The following FBXL18 variants were observed in gnomAD, a reference collection of about 807,000 sequenced individuals.
FBXL18 encodes the protein F-box and leucine rich repeat protein 18, also known as F-box/LRR-repeat protein 18.
A neutral mutation model predicts 46.0 loss-of-function variants in FBXL18; 36 were observed. That is an observed-to-expected ratio of 0.78 (90% confidence interval 0.60 to 1.03). The LOEUF (loss-of-function observed/expected upper bound fraction) is 1.03. Ranked by LOEUF, FBXL18 falls within the 50% of genes least tolerant of loss-of-function variation. The pLI is 0.00. For missense variants in FBXL18, 977 were observed against 1,004.1 expected (o/e 0.97, Z 0.36); for synonymous variants, 557 against 465.3 (o/e 1.20, Z -2.54).
At chr7:5,499,662 C>T (rs745641082) in intron 3 of FBXL18, among the ~76,000 whole-genome samples, 66 of 148,898 alleles carry the variant, frequency 4.4e-4, no homozygotes, top group Non-Finnish European at 7.5e-4. Context: ...ACCCAGGAGG[C>T]AGGGGTTGCA....
intron 4 of FBXL18, among the ~76,000 whole-genome samples, chr7:5,483,935 G>A (rs1783710417): frequency 6.6e-6 from 1 of 152,138 alleles, no homozygotes; most frequent in South Asian, 2.1e-4. Flanking sequence ...CTGAGGTGGT[G>A]CTGGACTCAC....
intron 1 of FBXL18, among the ~76,000 whole-genome samples, chr7:5,508,315 C>T (rs1025389443): frequency 6.6e-6 from 1 of 150,810 alleles, no homozygotes; most frequent in Non-Finnish European, 1.5e-5. Flanking sequence ...GGCCTGGTGG[C>T]GGGCACCTGT....
rs11396812 is a variant in FBXL18, at chr7:5,508,440, TAAAAAAA to T, written c.19-2817_19-2811del. 9.8e-5 allele frequency among the ~76,000 whole-genome samples: 13 copies of T among 132,690 alleles called. 1 individual carries two copies. The highest frequency in any genetic ancestry group is 3.4e-4 in the African/African-American group (12 of 35,018). 87.0% of individuals were successfully genotyped at this position (132,690 alleles called of 152,430 possible). ...CTGGGCAACAGAGCGAGACTTTGTCTAAAAAAAAAAAAAAAAAAATTAGTGGGACACA... is the reference window on the plus strand; with the variant it reads ...CTGGGCAACAGAGCGAGACTTTGTCTAAAAAAAAAAAATTAGTGGGACACA... On this transcript the variant is annotated intron_variant, in intron 1 of 4. Transcript: ENST00000382368.
chr7:5,468,009 A>G (rs563279093), intron 4 of FBXL18, among the ~76,000 whole-genome samples: 117 of 150,320 alleles, frequency 7.8e-4, no homozygotes, highest in African/African-American at 2.0e-3. Context: ...TGGAGATGGA[A>G]TCTCGCTCTG....
intron 4 of FBXL18, among the ~76,000 whole-genome samples, chr7:5,490,368 TC>T (rs1316655481): frequency 1.3e-5 from 2 of 152,148 alleles, no homozygotes; most frequent in Non-Finnish European, 2.9e-5. Context: ...AAGCTCCAGC[TC>T]TCTCCAGGAA....
intron 3 of FBXL18, among the ~76,000 whole-genome samples, chr7:5,499,220 C>T (rs545701418): frequency 1.1e-4 from 17 of 152,296 alleles, no homozygotes; most frequent in African/African-American, 2.9e-4. Flanking sequence ...ATCTGGGATG[C>T]CCAGGGAGGC....
chr7:5,469,553 TG>T (rs375769038), intron 4 of FBXL18, among the ~76,000 whole-genome samples: 3,027 of 150,368 alleles, frequency 0.02, 36 homozygotes, highest in East Asian at 0.038. Flanking sequence ...TGGGTGTGTG[TG>T]GGGGGGGTGT....
At position 5,481,775 on chromosome 7, in the gene FBXL18, T is replaced by G. The variant is rs1345955391; in HGVS notation, c.2157A>C (p.Ter719CysextTer85). 6.2e-7 allele frequency: 1 copy of G among 1,613,378 alleles called. No individual in the cohort carries two copies. The highest frequency in any genetic ancestry group is 8.5e-7 in the Non-Finnish European group (1 of 1,179,934). ...GACCGATGGGCGGCGGCTCCGCCTC[T>G]CACCACCACAGGTTCGGCGGTTCCT... Reference protein sequence around the residue: ...VAEEPPNLWW* With the variant: ...VAEEPPNLWWC The change falls in exon 5 of 5, where the codon TGA (stop) becomes TGC (cysteine). Residue 719 changes from the stop codon to cysteine (C), a stop_lost. Transcript: ENST00000382368.
intron 4 of FBXL18, among the ~76,000 whole-genome samples, chr7:5,464,219 C>T (rs944960021): frequency 2.0e-5 from 3 of 152,072 alleles, no homozygotes; most frequent in Admixed American, 1.3e-4. Flanking sequence ...TGGCTCATGC[C>T]TGTAATCCCA....
downstream of FBXL18, among the ~76,000 whole-genome samples, chr7:5,471,370 G>A (rs181992283): frequency 2.3e-4 from 35 of 152,212 alleles, no homozygotes; most frequent in African/African-American, 5.5e-4. Flanking sequence ...TCCGCCTCCC[G>A]GGTTCACGCC....
downstream of FBXL18, among the ~76,000 whole-genome samples, chr7:5,473,957 C>T (rs535668055): frequency 3.6e-4 from 54 of 151,996 alleles, no homozygotes; most frequent in Non-Finnish European, 6.0e-4. Context: ...ACACCATGCC[C>T]GGCTAATTTT....
At position 5,476,831 on chromosome 7, in the gene FBXL18, GTT is replaced by G; in HGVS notation, c.*4942_*4943del. 1 of 151,804 alleles carries G rather than the reference GTT, an allele frequency of 6.6e-6. No homozygotes were observed. Among genetic ancestry groups the G allele is most frequent in the East Asian group, 1.9e-4 (1 of 5,164 alleles). The allele number at this position is 151,804 out of a possible 1,614,324, so 9.4% of individuals were successfully genotyped here. On this transcript the variant is annotated 3_prime_UTR_variant, in exon 5 of 5. Coordinates refer to ENST00000382368, the MANE Select transcript of FBXL18 (RefSeq NM_024963.6). Reference sequence around the variant, plus strand: ...GAGCCCGAGTCACTGCCACCACTGGGTTCCTCAGTGTCTGTGGGGTTTGTGTT... The same window carrying G: ...GAGCCCGAGTCACTGCCACCACTGGGCCTCAGTGTCTGTGGGGTTTGTGTT...
chr7:5,456,748 A>G (rs1227709989), intron 4 of FBXL18, among the ~76,000 whole-genome samples: 1 of 152,026 alleles, frequency 6.6e-6, no homozygotes, highest in Non-Finnish European at 1.5e-5. Context: ...GAGACTCAGA[A>G]CAGAATGGGC....
chr7:5,500,799 C>T lies in FBXL18; in HGVS notation c.1470G>A (p.Leu490=). The T allele has an allele frequency of 6.2e-7, 1 of 1,612,648 alleles. No homozygotes were observed. The highest frequency in any genetic ancestry group is 8.5e-7 in the Non-Finnish European group (1 of 1,179,778). ...KNLPFLEHLE[L]IGSNFSSAMP... is the part of the protein sequence containing the mutation. ...TGGCGGAGGAGAAGTTGGACCCAAT[C>T]AGCTCGAGGTGTTCCAGGAAGGGCA... The change falls in exon 3 of 5, where the codon CTG becomes CTA. Residue 490 remains leucine (L), a synonymous_variant. Coordinates refer to ENST00000382368, the MANE Select transcript of FBXL18 (RefSeq NM_024963.6).
At chr7:5,457,310 T>C (rs1783187173) in intron 4 of FBXL18, among the ~76,000 whole-genome samples, 1 of 152,172 alleles carries the variant, frequency 6.6e-6, no homozygotes, top group Non-Finnish European at 1.5e-5. Context: ...GTCAGAGCAA[T>C]TGGTTCAGTA....
intron 4 of FBXL18, among the ~76,000 whole-genome samples, chr7:5,464,163 G>A (rs962181267): frequency 6.6e-6 from 1 of 151,878 alleles, no homozygotes; most frequent in Non-Finnish European, 1.5e-5. Flanking sequence ...GGCCAACATG[G>A]TGAAACCCTG....
At chr7:5,470,821 C>T (rs1783416911), downstream of FBXL18, among the ~76,000 whole-genome samples, 3 of 152,272 alleles carry the variant, frequency 2.0e-5, no homozygotes, top group South Asian at 6.2e-4. Flanking sequence ...CCAGCGCGGC[C>T]GGCTGGGAGC....
chr7:5,497,998 T>C (rs1284060611), intron 3 of FBXL18, among the ~76,000 whole-genome samples: 1 of 151,898 alleles, frequency 6.6e-6, no homozygotes, highest in Non-Finnish European at 1.5e-5. Flanking sequence ...GCCTCCACTT[T>C]CTCCCCCACC....
At chr7:5,499,414 A>G (rs1031074846) in intron 3 of FBXL18, among the ~76,000 whole-genome samples, 2 of 151,924 alleles carry the variant, frequency 1.3e-5, no homozygotes, top group African/African-American at 2.4e-5. Flanking sequence ...GTTTCTTCAC[A>G]TGGTACTTAC....
Sources: gnomAD v4.1 joint callset for allele counts (sites outside exome capture counted in the v4.1 genomes callset) on GRCh38, gnomAD v4.1.1 for gene constraint, MANE v1.5 for transcripts, NCBI Gene and HGNC (gene_info 2026-07-23, HGNC 2026-07-21) for gene names.